The following SLC5A3 variants were observed in gnomAD, a reference collection of about 807,000 sequenced individuals.
SLC5A3 encodes the protein solute carrier family 5 member 3.
A neutral mutation model predicts 43.2 loss-of-function variants in SLC5A3; 10 were observed. That is an observed-to-expected ratio of 0.23 (90% CI 0.14 to 0.39). SLC5A3 has a LOEUF of 0.39. Ranked by LOEUF, SLC5A3 falls within the 10% of genes least tolerant of loss-of-function variation. SLC5A3 has a pLI of 1.00. For synonymous variants in SLC5A3, 349 were observed against 322.0 expected (o/e 1.08, Z -0.90); for missense variants, 608 against 893.4 (o/e 0.68, Z 4.07).
Position 34,089,800 on chromosome 21 carries a change from G to A in SLC5A3, c.-336-5063G>A, listed in dbSNP as rs73899958. Among the ~76,000 whole-genome samples the A allele has an allele frequency of 4.3e-3, 656 of 152,148 alleles. 6 individuals are homozygous for A. Among genetic ancestry groups the A allele is most frequent in the African/African-American group, 0.015 (610 of 41,496 alleles). On this transcript the variant is annotated intron_variant, in intron 1 of 1. Transcript: ENST00000381151. ...TTCAGCACCATTTGAGTCCAATCAGGGTTTTGTATAATTAATAACTTTTAA... is the reference window on the plus strand; with the variant it reads ...TTCAGCACCATTTGAGTCCAATCAGAGTTTTGTATAATTAATAACTTTTAA...
Position 34,103,773 on chromosome 21 carries a change from CA to C in SLC5A3, c.*6420del. The C allele has an allele frequency of 1.0e-6, 1 of 1,000,018 alleles. No individual in the cohort carries two copies. The highest frequency in any genetic ancestry group is 4.7e-5 in the South Asian group (1 of 21,276). 61.9% of individuals were successfully genotyped at this position (1,000,018 alleles called of 1,614,324 possible). ...GGTAAGGGACCCAAAGGAATAATCT[CA>C]ATAAGTTTGTACCACATTGATGGAG... On this transcript the variant is annotated 3_prime_UTR_variant, in exon 2 of 2. Coordinates refer to ENST00000381151, the MANE Select transcript of SLC5A3 (RefSeq NM_006933.7).
rs1232235796 is a variant in SLC5A3 at position 34,098,947 on chromosome 21, A to G, written c.*1592A>G. 3 of 988,844 alleles carry G rather than the reference A, an allele frequency of 3.0e-6. No individual in the cohort carries two copies. Among genetic ancestry groups the G allele is most frequent in the Admixed American group, 6.2e-5 (1 of 16,234 alleles). The allele number at this position is 988,844 out of a possible 1,614,324, so 61.3% of individuals were successfully genotyped here. A position where few individuals can be genotyped will look rare whatever the true frequency, so the allele number is the denominator to read the frequency against. On this transcript the variant is annotated 3_prime_UTR_variant, in exon 2 of 2. Transcript: ENST00000381151. ...GATTTTACTAGGCTTGTATTTAGGG[A>G]AATTACTTTCATAAATACTTTTGTA... is the stretch of plus-strand genomic sequence containing the variant.
Position 34,095,379 on chromosome 21 carries a change from G to A in SLC5A3, c.181G>A (p.Gly61Arg). ...TGCCTCTCTGTTTGTGAGCAATATT[G>A]GGAGTGAGCACTTCATTGGGCTGGC... Reference protein sequence around the residue: ...IGASLFVSNIGSEHFIGLAGS... With the variant: ...IGASLFVSNIRSEHFIGLAGS... The change falls in exon 2 of 2, where the codon GGG (glycine) becomes AGG (arginine). Residue 61 changes from glycine (G) to arginine (R), a missense_variant. By Grantham distance (125) the Gly-to-Arg change is moderately radical. Coordinates refer to ENST00000381151, the MANE Select transcript of SLC5A3 (RefSeq NM_006933.7). 1 of 1,614,134 alleles carries A rather than the reference G, an allele frequency of 6.2e-7. No individual in the cohort carries two copies. The highest frequency in any genetic ancestry group is 8.5e-7 in the Non-Finnish European group (1 of 1,180,006).
chr21:34,095,819 T>A lies in SLC5A3; in HGVS notation c.621T>A (p.Ile207=). The A allele has an allele frequency of 6.2e-7, 1 of 1,614,068 alleles. No individual in the cohort carries two copies. Among genetic ancestry groups the A allele is most frequent in the Non-Finnish European group, 8.5e-7 (1 of 1,180,002 alleles). The stretch of plus-strand genomic sequence containing the variant: ...TTATGATTATTAGCATAATGGAGAT[T>A]GGCGGGTTTGAGGAAGTTAAGAGAA... ...LTLMIISIME[I]GGFEEVKRRY... is the part of the protein sequence containing the mutation. Residue 207 remains isoleucine, a synonymous_variant, in exon 2 of 2, where the codon ATT becomes ATA. Transcript: ENST00000381151.
chr21:34,103,998 T>G lies in SLC5A3; in HGVS notation c.*6643T>G. On this transcript the variant is annotated 3_prime_UTR_variant, in exon 2 of 2. Transcript: ENST00000381151. ...GTTTTTTGTAAAAAATCTTAAATCT[T>G]TTAGGAAATATTACCTCTTAACAGT... is the stretch of plus-strand genomic sequence containing the variant. 3 of 1,000,202 alleles carry G rather than the reference T, an allele frequency of 3.0e-6. No individual in the cohort carries two copies. Among genetic ancestry groups the G allele is most frequent in the Non-Finnish European group, 3.6e-6 (3 of 829,914 alleles). The allele number at this position is 1,000,202 out of a possible 1,614,324, so 62.0% of individuals were successfully genotyped here. A position where few individuals can be genotyped will look rare whatever the true frequency, so the allele number is the denominator to read the frequency against.
At chr21:34,084,567 A>G (rs1441783401) in intron 1 of SLC5A3, among the ~76,000 whole-genome samples, 1 of 152,228 alleles carries the variant, frequency 6.6e-6, no homozygotes, top group Non-Finnish European at 1.5e-5. Context: ...ATATATATAC[A>G]CACCTACATA....
rs116897058 is a variant in SLC5A3 at position 34,100,262 on chromosome 21, G to T, written c.*2907G>T. On this transcript the variant is annotated 3_prime_UTR_variant, in exon 2 of 2. Coordinates refer to ENST00000381151, the MANE Select transcript of SLC5A3 (RefSeq NM_006933.7). The stretch of plus-strand genomic sequence containing the variant: ...TCTTCTCAGGCAATTTTCATCTCAA[G>T]ATCTGATGAGAAGGGCATATTACAT... 5.7e-3 allele frequency: 5,656 copies of T among 1,000,000 alleles called. 16 individuals carry two copies. Among genetic ancestry groups the T allele is most frequent in the Non-Finnish European group, 6.3e-3 (5,252 of 829,782 alleles). The allele number at this position is 1,000,000 out of a possible 1,614,324, so 61.9% of individuals were successfully genotyped here.
At chr21:34,080,687 G>C (rs1989438692) in intron 1 of SLC5A3, among the ~76,000 whole-genome samples, 1 of 152,142 alleles carries the variant, frequency 6.6e-6, no homozygotes, top group South Asian at 2.1e-4. Context: ...CAGTTAATTG[G>C]TGAATATGTT....
Position 34,098,073 on chromosome 21 carries a change from A to G in SLC5A3, c.*718A>G. 3 of 999,316 alleles carry G rather than the reference A, an allele frequency of 3.0e-6. No individual in the cohort carries two copies. The highest frequency in any genetic ancestry group is 3.6e-6 in the Non-Finnish European group (3 of 829,568). The allele number at this position is 999,316 out of a possible 1,614,324, so 61.9% of individuals were successfully genotyped here. A position where few individuals can be genotyped will look rare whatever the true frequency, so the allele number is the denominator to read the frequency against. ...AAGTCTGCCTGTAAAGTTACATGTCATGATTGTGTTGTTAAATGATTATGG... is the reference window on the plus strand; with the variant it reads ...AAGTCTGCCTGTAAAGTTACATGTCGTGATTGTGTTGTTAAATGATTATGG... On this transcript the variant is annotated 3_prime_UTR_variant, in exon 2 of 2. Transcript: ENST00000381151.
intron 1 of SLC5A3, among the ~76,000 whole-genome samples, chr21:34,081,002 G>A (rs1989446765): frequency 6.6e-6 from 1 of 152,184 alleles, no homozygotes; most frequent in Non-Finnish European, 1.5e-5. Context: ...GTGAGCTGAT[G>A]AAATGAGTGC....
Position 34,097,493 on chromosome 21 carries a change from A to G in SLC5A3, c.*138A>G, listed in dbSNP as rs1979021139. On this transcript the variant is annotated 3_prime_UTR_variant, in exon 2 of 2. Coordinates refer to ENST00000381151, the MANE Select transcript of SLC5A3 (RefSeq NM_006933.7). ...AATTTTACTTAGCAGAAAATCATCT[A>G]ATTACAAGACTTTATTTTCCCAGAG... 7.0e-7 allele frequency: 1 copy of G among 1,428,252 alleles called. No homozygotes were observed. Among genetic ancestry groups the G allele is most frequent in the Admixed American group, 2.9e-5 (1 of 33,916 alleles). The allele number at this position is 1,428,252 out of a possible 1,614,324, so 88.5% of individuals were successfully genotyped here. A position where few individuals can be genotyped will look rare whatever the true frequency, so the allele number is the denominator to read the frequency against.
chr21:34,075,768 CAA>C (rs1416714823), intron 1 of SLC5A3, among the ~76,000 whole-genome samples: 1 of 152,164 alleles, frequency 6.6e-6, no homozygotes, highest in East Asian at 1.9e-4. Flanking sequence ...GGCACAAACA[CAA>C]AGACTTCCAG....
At position 34,097,107 on chromosome 21, in the gene SLC5A3, G is replaced by C. The variant is rs1379083360; in HGVS notation, c.1909G>C (p.Ala637Pro). 3 of 1,613,964 alleles carry C rather than the reference G, an allele frequency of 1.9e-6. No homozygotes were observed. The highest frequency in any genetic ancestry group is 2.5e-6 in the Non-Finnish European group (3 of 1,179,986). The change falls in exon 2 of 2, where the codon GCT becomes CCT. Residue 637 changes from alanine (A) to proline (P), a missense_variant. This residue lies in a region of SLC5A3 where 210 missense variants were observed against 224.8 expected (regional missense o/e 0.93). Transcript: ENST00000381151. ...TGACGCTTACTCCAATGGGCAAGCA[G>C]CTCTCATGGGTGAGAAAGAGAGAAA... is the stretch of plus-strand genomic sequence containing the variant. The part of the protein sequence containing the change: ...PVDAYSNGQA[A>P]LMGEKERKKE...
intron 1 of SLC5A3, among the ~76,000 whole-genome samples, chr21:34,088,228 G>A (rs1227856928): frequency 4.1e-5 from 1 of 24,680 alleles, no homozygotes; most frequent in Admixed American, 5.7e-4. Flanking sequence ...ACTGGGTCAA[G>A]TATAGAATAC....
intron 1 of SLC5A3, 71 bp downstream of exon 1, chr21:34,073,816 G>C (rs565837251): frequency 8.2e-7 from 1 of 1,213,416 alleles, no homozygotes. Context: ...GCCGTCCCCC[G>C]CGCGCCCTGG....
At chr21:34,079,723 A>G (rs1300708182) in intron 1 of SLC5A3, among the ~76,000 whole-genome samples, 1 of 146,906 alleles carries the variant, frequency 6.8e-6, no homozygotes, top group Admixed American at 7.0e-5. Flanking sequence ...TGCTGGGATT[A>G]CAGGCCCTCT....
In SLC5A3 at chr21:34,102,033, G is replaced by A. The variant is rs1031293238; in HGVS notation, c.*4678G>A. The A allele has an allele frequency of 1.5e-5, 15 of 999,970 alleles. No individual in the cohort carries two copies. The African/African-American group carries it at 1.7e-4, about 12-fold the overall frequency. 61.9% of individuals were successfully genotyped at this position (999,970 alleles called of 1,614,324 possible). On this transcript the variant is annotated 3_prime_UTR_variant, in exon 2 of 2. Coordinates refer to ENST00000381151, the MANE Select transcript of SLC5A3 (RefSeq NM_006933.7). ...TAGAGGAACCCTTTTGTACTGGAAC[G>A]TATGAGGCTGGATTGTGAAAAGGTA...
rs979432553 is a variant in SLC5A3, at chr21:34,105,291, T to C, written c.*7936T>C. 9.0e-6 allele frequency: 9 copies of C among 1,000,104 alleles called. No individual in the cohort carries two copies. Among genetic ancestry groups the C allele is most frequent in the African/African-American group, 1.7e-5 (1 of 57,262 alleles). 62.0% of individuals were successfully genotyped at this position (1,000,104 alleles called of 1,614,324 possible). On this transcript the variant is annotated 3_prime_UTR_variant, in exon 2 of 2. Coordinates refer to ENST00000381151, the MANE Select transcript of SLC5A3 (RefSeq NM_006933.7). ...TGGCAATCATGTATGAACTGTGTTA[T>C]ACTTCTCAGTGCTTTCTTTTTTCTT... is the stretch of plus-strand genomic sequence containing the variant.
intron 1 of SLC5A3, among the ~76,000 whole-genome samples, chr21:34,076,431 TAG>T: frequency 6.6e-6 from 1 of 152,326 alleles, no homozygotes; most frequent in East Asian, 1.9e-4. Context: ...GTGTATTATG[TAG>T]AGTCAGTCAT....
Sources: gnomAD v4.1 joint callset for allele counts (sites outside exome capture counted in the v4.1 genomes callset) on GRCh38, gnomAD v4.1.1 for gene constraint, gnomAD v4.1.1 regional missense constraint, MANE v1.5 for transcripts, NCBI Gene and HGNC (gene_info 2026-07-23, HGNC 2026-07-21) for gene names.